ATRNL1: variants seen among roughly 807,000 people sequenced by gnomAD.
ATRNL1 encodes attractin like 1, also known as attractin-like protein 1.
ATRNL1 carries 95 observed loss-of-function variants against 182.7 expected under a neutral mutation model. The ratio of observed to expected loss-of-function variants is 0.52; its 90% confidence interval spans 0.44 to 0.62. ATRNL1 has a LOEUF of 0.62. Among genes scored for constraint, ATRNL1 ranks in the 20% least tolerant of loss-of-function variants. The pLI is 0.00. For synonymous variants in ATRNL1, 576 were observed against 568.3 expected (o/e 1.01, Z -0.19); for missense variants, 1,471 against 1,679.5 (o/e 0.88, Z 2.17).
chr10:115,530,180 G>A (rs1229421732), intron 25 of ATRNL1, among the ~76,000 whole-genome samples: 1 of 152,052 alleles, frequency 6.6e-6, no homozygotes. Context: ...ATACTACTAT[G>A]CACATTTGTG....
chr10:115,794,200 A>G (rs1949596927), intron 27 of ATRNL1, among the ~76,000 whole-genome samples: 1 of 152,186 alleles, frequency 6.6e-6, no homozygotes, highest in African/African-American at 2.4e-5. Flanking sequence ...TTTTTAAACA[A>G]TCACAAATTT....
chr10:115,847,070 G>A (rs1950946046), intron 27 of ATRNL1, among the ~76,000 whole-genome samples: 1 of 152,028 alleles, frequency 6.6e-6, no homozygotes, highest in East Asian at 1.9e-4. Context: ...CTATACAAGT[G>A]CATTGATGGG....
At chr10:115,270,364 T>TATAAATCTTTTATATATA (rs1851801033) in intron 13 of ATRNL1, among the ~76,000 whole-genome samples, 1 of 144,616 alleles carries the variant, frequency 6.9e-6, no homozygotes, top group Non-Finnish European at 1.5e-5. Flanking sequence ...TAAACAAATA[T>TATAAATCTTTTATATATA]ATAAATCTAT....
chr10:115,110,899 G>A (rs782022778), intron 1 of ATRNL1, among the ~76,000 whole-genome samples: 63 of 152,130 alleles, frequency 4.1e-4, no homozygotes, highest in Non-Finnish European at 8.4e-4. Context: ...TGCCATGAAT[G>A]GTTAGAATTA....
At chr10:115,499,813 G>T (rs972405987) in intron 24 of ATRNL1, among the ~76,000 whole-genome samples, 1 of 152,190 alleles carries the variant, frequency 6.6e-6, no homozygotes, top group Admixed American at 6.5e-5. Context: ...GCCCTAAGCA[G>T]TTCCCAGCTT....
chr10:115,135,771 T>G (rs1845481374), intron 5 of ATRNL1, among the ~76,000 whole-genome samples: 2 of 152,242 alleles, frequency 1.3e-5, no homozygotes, highest in South Asian at 4.1e-4. Context: ...TCACGCTCCC[T>G]GACTTCAAAG....
intron 23 of ATRNL1, 48 bp downstream of exon 23, chr10:115,467,300 G>A (rs782363026): frequency 1.5e-6 from 2 of 1,349,618 alleles, no homozygotes; most frequent in Admixed American, 1.9e-5. Context: ...TTCCTATCTG[G>A]AAGTTGTTCT....
chr10:115,379,345 T>C lies in ATRNL1; in HGVS notation c.3176-15314T>C, dbSNP rs1449155526. ...AAATTTTAAACAATTGAATTTAAAA[T>C]GCATTTGTGCTATTTTACTCTGAAA... On this transcript the variant is annotated intron_variant, in intron 19 of 28. Coordinates refer to ENST00000355044, the MANE Select transcript of ATRNL1 (RefSeq NM_207303.4). Among the ~76,000 whole-genome samples the C allele has an allele frequency of 3.9e-5, 6 of 152,230 alleles. No individual in the cohort carries two copies. In the East Asian group the frequency reaches 5.8e-4, roughly 15 times the overall value.
rs1554863217 is a variant in ATRNL1 at position 115,096,661 on chromosome 10, TA to T, written c.293+2623del. ...CTACTATAGGGATTTCGCCAGGGAA[TA>T]AAAATGTTCTTCAAATGTTTCTTGA... On this transcript the variant is annotated intron_variant, in intron 1 of 28. Coordinates refer to ENST00000355044, the MANE Select transcript of ATRNL1 (RefSeq NM_207303.4). 3 of 1,288,828 alleles carry T rather than the reference TA, an allele frequency of 2.3e-6. No homozygotes were observed. In the South Asian group the frequency reaches 3.7e-5, roughly 16 times the overall value. The allele number at this position is 1,288,828 out of a possible 1,614,324, so 79.8% of individuals were successfully genotyped here.
intron 27 of ATRNL1, among the ~76,000 whole-genome samples, chr10:115,785,564 T>A (rs1223471677): frequency 6.6e-6 from 1 of 152,226 alleles, no homozygotes; most frequent in African/African-American, 2.4e-5. Context: ...TTCTAGATAA[T>A]CTCTTGTCTA....
At chr10:115,098,271 T>G (rs782091222) in intron 1 of ATRNL1, among the ~76,000 whole-genome samples, 3 of 152,184 alleles carry the variant, frequency 2.0e-5, no homozygotes, top group East Asian at 3.9e-4. Context: ...TTTGGCCCCT[T>G]TAGCTGATTA....
intron 20 of ATRNL1, among the ~76,000 whole-genome samples, chr10:115,401,676 G>A (rs1465885330): frequency 6.6e-6 from 1 of 152,008 alleles, no homozygotes; most frequent in Admixed American, 6.6e-5. Context: ...TTTCTGGTAT[G>A]TAAAAAGACT....
At chr10:115,243,168 AG>A (rs1850493122) in intron 10 of ATRNL1, among the ~76,000 whole-genome samples, 1 of 152,128 alleles carries the variant, frequency 6.6e-6, no homozygotes. Flanking sequence ...CTTTTGCAAA[AG>A]GTTCTTCAAG....
intron 26 of ATRNL1, among the ~76,000 whole-genome samples, chr10:115,569,041 G>C (rs1854230564): frequency 6.6e-6 from 1 of 151,454 alleles, no homozygotes; most frequent in South Asian, 2.1e-4. Flanking sequence ...AAAAAATCTT[G>C]GCAATTAAAG....
intron 26 of ATRNL1, among the ~76,000 whole-genome samples, chr10:115,664,248 C>T (rs551087351): frequency 3.9e-5 from 6 of 152,260 alleles, no homozygotes; most frequent in African/African-American, 1.4e-4. Context: ...TTCTCCATGG[C>T]TGAGTCAGAT....
At chr10:115,643,622 A>G (rs983700898) in intron 26 of ATRNL1, among the ~76,000 whole-genome samples, 2 of 152,194 alleles carry the variant, frequency 1.3e-5, no homozygotes, top group Non-Finnish European at 2.9e-5. Context: ...GTTTTTAAAA[A>G]GGGCAAAAGA....
chr10:115,259,471 G>C (rs1851304236), intron 10 of ATRNL1, among the ~76,000 whole-genome samples: 1 of 152,208 alleles, frequency 6.6e-6, no homozygotes, highest in Non-Finnish European at 1.5e-5. Flanking sequence ...AAAACTTTGG[G>C]AAAAGCGCAG....
intron 20 of ATRNL1, among the ~76,000 whole-genome samples, chr10:115,411,889 C>A (rs1285240964): frequency 6.6e-6 from 1 of 151,860 alleles, no homozygotes; most frequent in East Asian, 1.9e-4. Flanking sequence ...TTATAAAATT[C>A]TATCTATAAC....
At chr10:115,125,672 G>A (rs1432746278) in intron 3 of ATRNL1, among the ~76,000 whole-genome samples, 2 of 152,172 alleles carry the variant, frequency 1.3e-5, no homozygotes, top group East Asian at 3.8e-4. Context: ...GTGATTCATA[G>A]CTCAGCTGCA....
Sources: gnomAD v4.1 joint callset for allele counts (sites outside exome capture counted in the v4.1 genomes callset) on GRCh38, gnomAD v4.1.1 for gene constraint, MANE v1.5 for transcripts, NCBI Gene and HGNC (gene_info 2026-07-23, HGNC 2026-07-21) for gene names.